The following MTUS1 variants were observed in gnomAD, a reference collection of about 807,000 sequenced individuals.
MTUS1 encodes the protein microtubule associated scaffold protein 1.
In MTUS1, 109 loss-of-function variants were observed where a neutral mutation model predicts 120.8. The ratio of observed to expected loss-of-function variants is 0.90; its 90% CI spans 0.77 to 1.06. The LOEUF (loss-of-function observed/expected upper bound fraction) is 1.06. Among genes scored for constraint, MTUS1 ranks in the 50% least tolerant of loss-of-function variants. The pLI is 0.00. For synonymous variants in MTUS1, 737 were observed against 550.5 expected (o/e 1.34, Z -4.74); for missense variants, 2,210 against 1,486.3 (o/e 1.49, Z -8.01).
At chr8:17,702,118 A>G (rs1179586835) in intron 6 of MTUS1, among the ~76,000 whole-genome samples, 1 of 152,208 alleles carries the variant, frequency 6.6e-6, no homozygotes, top group East Asian at 1.9e-4. Context: ...TAAATAAATT[A>G]CTTTCCTAGG....
In MTUS1 at chr8:17,755,656, G is replaced by T; in HGVS notation, c.152C>A (p.Pro51Gln). The T allele has an allele frequency of 6.2e-7, 1 of 1,614,160 alleles. No individual in the cohort carries two copies. The highest frequency in any genetic ancestry group is 8.5e-7 in the Non-Finnish European group (1 of 1,180,014). ...ASSVNWNSANPDDMVVDYETD... is the reference protein window; with the variant it reads ...ASSVNWNSANQDDMVVDYETD... ...TTCATAATCAACCACCATGTCATCT[G>T]GGTTGGCAGAATTCCAGTTCACACT... Residue 51 changes from proline (P) to glutamine (Q), a missense_variant, in exon 2 of 15, where the codon CCA becomes CAA. By Grantham distance (76) the Pro-to-Gln change is moderately conservative. Transcript: ENST00000693296.
At chr8:17,673,537 G>A (rs1336319295) in intron 8 of MTUS1, among the ~76,000 whole-genome samples, 4 of 152,108 alleles carry the variant, frequency 2.6e-5, no homozygotes, top group African/African-American at 7.2e-5. Context: ...CTGCAGTCTC[G>A]AACTCCTGGG....
Position 17,645,738 on chromosome 8 carries a change from G to C in MTUS1, c.*188C>G, listed in dbSNP as rs879528634. The C allele has an allele frequency of 6.1e-5, 39 of 636,746 alleles. No individual in the cohort carries two copies. Among genetic ancestry groups the C allele is most frequent in the Non-Finnish European group, 8.7e-5 (36 of 414,932 alleles). 39.4% of individuals were successfully genotyped at this position (636,746 alleles called of 1,614,324 possible). A position where few individuals can be genotyped will look rare whatever the true frequency, so the allele number is the denominator to read the frequency against. On this transcript the variant is annotated 3_prime_UTR_variant, in exon 15 of 15. Coordinates refer to ENST00000693296, the MANE Select transcript of MTUS1 (RefSeq NM_001363059.2). ...CTTTTTTTGGAGGAATCTTTTGGACGGAGGCAAAAGTCTTCCTCCAGAGTT... is the reference window on the plus strand; with the variant it reads ...CTTTTTTTGGAGGAATCTTTTGGACCGAGGCAAAAGTCTTCCTCCAGAGTT...
In MTUS1 at chr8:17,755,010, A is replaced by G. The variant is rs766078133; in HGVS notation, c.798T>C (p.Cys266=). The G allele has an allele frequency of 6.2e-7, 1 of 1,614,074 alleles. No individual in the cohort carries two copies. Among genetic ancestry groups the G allele is most frequent in the Non-Finnish European group, 8.5e-7 (1 of 1,180,026 alleles). ...FVSDIGNQCA[C]SSGKVTSEYT... ...ACTCACTGGTGACCTTTCCTGAAGA[A>G]CATGCACACTGATTTCCAATATCTG... Residue 266 remains cysteine, a synonymous_variant, in exon 2 of 15, where the codon TGT becomes TGC. Transcript: ENST00000693296.
chr8:17,703,887 T>C (rs1226107652), intron 6 of MTUS1: 1 of 152,276 alleles, frequency 6.6e-6, no homozygotes, highest in Non-Finnish European at 1.5e-5. Context: ...CTCTGCCTTT[T>C]TCCCTTTGAG....
intron 1 of MTUS1, among the ~76,000 whole-genome samples, chr8:17,797,571 T>C (rs1013145418): frequency 5.3e-5 from 8 of 152,134 alleles, no homozygotes; most frequent in East Asian, 1.9e-4. Flanking sequence ...GTTCATACCA[T>C]CCCATCTAGT....
chr8:17,725,148 A>G (rs187257659), intron 3 of MTUS1, among the ~76,000 whole-genome samples: 4 of 152,230 alleles, frequency 2.6e-5, no homozygotes, highest in African/African-American at 7.2e-5. Flanking sequence ...CTGTCTCCCA[A>G]TGCTACCAGT....
intron 2 of MTUS1, among the ~76,000 whole-genome samples, chr8:17,744,905 A>G (rs1055564316): frequency 1.3e-5 from 2 of 152,076 alleles, no homozygotes; most frequent in African/African-American, 4.8e-5. Context: ...TCCCTACTTC[A>G]AGATGTCTCA....
chr8:17,732,536 G>C (rs2046658891), intron 3 of MTUS1, among the ~76,000 whole-genome samples: 1 of 152,146 alleles, frequency 6.6e-6, no homozygotes. Context: ...CAGTCTGGTG[G>C]CTTTAAATAT....
chr8:17,684,285 CG>C (rs1554482186), intron 7 of MTUS1, 42 bp downstream of exon 7: 1 of 1,501,120 alleles, frequency 6.7e-7, no homozygotes, highest in Non-Finnish European at 9.3e-7. Context: ...CGTGCTCCCC[CG>C]ACCTCAAGTA....
At chr8:17,687,271 C>A (rs988763077) in intron 6 of MTUS1, among the ~76,000 whole-genome samples, 1 of 152,066 alleles carries the variant, frequency 6.6e-6, no homozygotes, top group Admixed American at 6.5e-5. Flanking sequence ...GCATGGCAGC[C>A]GATGACCCAG....
chr8:17,722,370 A>C (rs1249389816), intron 4 of MTUS1: 26 of 979,772 alleles, frequency 2.7e-5, no homozygotes, highest in Non-Finnish European at 2.9e-5. Flanking sequence ...TTTGTCTTTA[A>C]AATTGCTTTG....
intron 1 of MTUS1, among the ~76,000 whole-genome samples, chr8:17,760,368 A>G (rs1487329516): frequency 6.6e-6 from 1 of 152,188 alleles, no homozygotes; most frequent in Non-Finnish European, 1.5e-5. Context: ...GAGTAAAAAA[A>G]TAGTGGTACA....
chr8:17,653,610 A>T lies in MTUS1; in HGVS notation c.3215-112T>A, dbSNP rs2130190210. ...GTTGATGATGAAGCCGTATGACGTT[A>T]CTTTACATCTATAGTATGCTTTTAT... is the stretch of plus-strand genomic sequence containing the variant. On this transcript the variant is annotated intron_variant, in intron 10 of 14. Coordinates refer to ENST00000693296, the MANE Select transcript of MTUS1 (RefSeq NM_001363059.2). The T allele has an allele frequency of 8.1e-6, 6 of 739,098 alleles. No individual in the cohort carries two copies. The South Asian group carries it at 9.3e-5, about 11-fold the overall frequency. 45.8% of individuals were successfully genotyped at this position (739,098 alleles called of 1,614,324 possible).
chr8:17,762,545 C>T (rs929999913), intron 1 of MTUS1, among the ~76,000 whole-genome samples: 8 of 152,110 alleles, frequency 5.3e-5, no homozygotes, highest in East Asian at 1.9e-4. Flanking sequence ...ACCTAGGAAC[C>T]GAGTAGAGGA....
intron 2 of MTUS1, among the ~76,000 whole-genome samples, chr8:17,751,591 G>A (rs1350749350): frequency 1.3e-5 from 2 of 152,156 alleles, no homozygotes; most frequent in South Asian, 2.1e-4. Flanking sequence ...CGGGGGCAGT[G>A]GCTCACGCCT....
At chr8:17,766,433 G>C (rs1438242990) in intron 1 of MTUS1, among the ~76,000 whole-genome samples, 1 of 152,174 alleles carries the variant, frequency 6.6e-6, no homozygotes, top group African/African-American at 2.4e-5. Flanking sequence ...CTTTTTTCAA[G>C]TTTAATAGGC....
At chr8:17,649,697 T>G in intron 13 of MTUS1, 149 bp downstream of exon 13, 1 of 623,360 alleles carries the variant, frequency 1.6e-6, no homozygotes, top group South Asian at 2.0e-5. Context: ...GGAACAAACT[T>G]GGAAAGAAAA....
intron 7 of MTUS1, 73 bp downstream of exon 7, chr8:17,684,255 G>A: frequency 1.9e-6 from 2 of 1,049,076 alleles, no homozygotes; most frequent in South Asian, 1.3e-5. Context: ...CCCAAGGCCA[G>A]CGTGTGAGCA....
Sources: gnomAD v4.1 joint callset for allele counts (sites outside exome capture counted in the v4.1 genomes callset) on GRCh38, gnomAD v4.1.1 for gene constraint, MANE v1.5 for transcripts, NCBI Gene and HGNC (gene_info 2026-07-23, HGNC 2026-07-21) for gene names.